TRAPPC9: variants seen among roughly 807,000 people sequenced by gnomAD.
TRAPPC9 encodes the protein IKK2 binding protein.
Under a neutral mutation model 124.0 loss-of-function variants are expected in TRAPPC9, and 83 were observed. That is an observed-to-expected ratio of 0.67 (90% CI 0.56 to 0.80). The LOEUF (loss-of-function observed/expected upper bound fraction) is 0.80, where lower values mean the gene tolerates loss of function less well. TRAPPC9 is among the 30% of genes least tolerant of loss of function. TRAPPC9 has a pLI of 0.00. For missense variants in TRAPPC9, 1,302 were observed against 1,508.3 expected, an observed-to-expected ratio of 0.86 and a Z score of 2.27; for synonymous variants, 638 against 617.5, an observed-to-expected ratio of 1.03 and a Z score of -0.49.
At chr8:140,250,275 A>G (rs1024979767) in intron 16 of TRAPPC9, among the ~76,000 whole-genome samples, 16 of 152,276 alleles carry the variant, frequency 1.1e-4, no homozygotes, top group Admixed American at 9.8e-4. Flanking sequence ...GACAATGCTC[A>G]GTAAACATTA....
chr8:140,130,019 C>T (rs1273908728), intron 17 of TRAPPC9, among the ~76,000 whole-genome samples: 1 of 152,128 alleles, frequency 6.6e-6, no homozygotes, highest in Non-Finnish European at 1.5e-5. Flanking sequence ...AGGGAAAGGA[C>T]AACGTTAGCC....
At position 140,287,638 on chromosome 8, in the gene TRAPPC9, G is replaced by A. The variant is rs1481486080; in HGVS notation, c.1951C>T (p.Pro651Ser). Residue 651 changes from proline to serine, a missense_variant, in exon 13 of 23, where the codon CCG becomes TCG. Coordinates refer to ENST00000438773, the MANE Select transcript of TRAPPC9 (RefSeq NM_001160372.4). ...GLYPVTLVGVPQTTGTITVNG... is the reference protein window; with the variant it reads ...GLYPVTLVGVSQTTGTITVNG... ...ACAGTAATCGTTCCAGTCGTCTGCG[G>A]GACCCCGACGAGCGTCACTGGGTAC... is the stretch of plus-strand genomic sequence containing the variant. The A allele has an allele frequency of 1.9e-6, 3 of 1,614,062 alleles. No individual in the cohort carries two copies. The highest frequency in any genetic ancestry group is 2.7e-5 in the African/African-American group (2 of 74,916).
intron 21 of TRAPPC9, among the ~76,000 whole-genome samples, chr8:139,822,047 AT>A (rs2130797371): frequency 6.6e-6 from 1 of 152,294 alleles, no homozygotes; most frequent in African/African-American, 2.4e-5. Context: ...TTCAGTCGTG[AT>A]GGCTTTATTA....
At chr8:140,328,591 G>T (rs1278466219) in intron 9 of TRAPPC9, among the ~76,000 whole-genome samples, 6 of 152,114 alleles carry the variant, frequency 3.9e-5, no homozygotes, top group African/African-American at 1.4e-4. Flanking sequence ...AGGGGGAAAG[G>T]GTGGGAGCAG....
At chr8:140,039,052 T>G (rs1841094042) in intron 17 of TRAPPC9, among the ~76,000 whole-genome samples, 1 of 152,208 alleles carries the variant, frequency 6.6e-6, no homozygotes, top group Non-Finnish European at 1.5e-5. Context: ...ATCTACAAGA[T>G]CCCATCCGGT....
chr8:140,381,443 G>A (rs915164276), intron 7 of TRAPPC9, among the ~76,000 whole-genome samples: 15 of 152,022 alleles, frequency 9.9e-5, no homozygotes, highest in African/African-American at 1.7e-4. Flanking sequence ...CAAGGTGGGC[G>A]GATCATGAGG....
chr8:140,405,743 G>A, intron 5 of TRAPPC9, 45 bp from the exon 6 acceptor site: 4 of 1,611,414 alleles, frequency 2.5e-6, no homozygotes, highest in Non-Finnish European at 1.7e-6. Context: ...TGCTTTTTCT[G>A]TATTATTTCT....
At chr8:140,254,236 G>A (rs745650201) in intron 15 of TRAPPC9, among the ~76,000 whole-genome samples, 8 of 152,220 alleles carry the variant, frequency 5.3e-5, no homozygotes, top group African/African-American at 1.2e-4. Context: ...TTCCAGGTGC[G>A]GAAAGCAGGT....
Position 140,451,273 on chromosome 8 carries a change from A to C in TRAPPC9, c.101T>G (p.Ile34Ser), listed in dbSNP as rs1164696581. The C allele has an allele frequency of 3.7e-6, 6 of 1,612,494 alleles. No individual in the cohort carries two copies. The highest frequency in any genetic ancestry group is 4.2e-6 in the Non-Finnish European group (5 of 1,180,022). Residue 34 changes from isoleucine (I) to serine (S), a missense_variant, in exon 2 of 23, where the codon ATC becomes AGC. Physicochemically the swap from Ile to Ser is moderately radical, Grantham distance 142 (BLOSUM62 -2). Transcript: ENST00000438773. The part of the protein sequence containing the change: ...GIVSEENFFR[I>S]YKRICSVSQI... ...ACTCACAGAGCAAATCCTCTTATAG[A>C]TCCTGAAGAAGTTCTCCTCGGAGAC... is the stretch of plus-strand genomic sequence containing the variant.
intron 12 of TRAPPC9, 102 bp from the exon 13 acceptor site, chr8:140,287,836 T>C (rs1000084736): frequency 4.0e-6 from 6 of 1,515,636 alleles, no homozygotes; most frequent in Non-Finnish European, 5.4e-6. Flanking sequence ...TCGGAACTGC[T>C]GGAATAAAAT....
At chr8:139,835,947 C>G (rs1288181995) in intron 21 of TRAPPC9, among the ~76,000 whole-genome samples, 2 of 152,164 alleles carry the variant, frequency 1.3e-5, no homozygotes, top group Non-Finnish European at 2.9e-5. Context: ...ACCCATCTAT[C>G]TATCATAAAT....
chr8:139,807,469 T>C (rs909692901), intron 21 of TRAPPC9, among the ~76,000 whole-genome samples: 5 of 152,036 alleles, frequency 3.3e-5, no homozygotes, highest in African/African-American at 4.8e-5. Context: ...CTTCCATTAA[T>C]AAAACAGAGG....
In TRAPPC9 at chr8:140,335,140, A is replaced by G. The variant is rs115042969; in HGVS notation, c.1496-23766T>C. 9.8e-4 allele frequency among the ~76,000 whole-genome samples: 149 copies of G among 152,290 alleles called. 2 individuals carry two copies. Among genetic ancestry groups the G allele is most frequent in the African/African-American group, 3.5e-3 (144 of 41,528 alleles). On this transcript the variant is annotated intron_variant, in intron 9 of 22. Coordinates refer to ENST00000438773, the MANE Select transcript of TRAPPC9 (RefSeq NM_001160372.4). ...AAAGAGTTGAGACTTTACTAGATAG[A>G]CAAAGGGTAGACACTGCAGATTCTT...
chr8:139,918,508 G>A (rs754004733), intron 19 of TRAPPC9, among the ~76,000 whole-genome samples: 4 of 152,328 alleles, frequency 2.6e-5, no homozygotes, highest in East Asian at 1.9e-4. Flanking sequence ...TCACCAGAGC[G>A]TGAGCAAACC....
chr8:139,995,240 T>A (rs2665941), intron 18 of TRAPPC9, among the ~76,000 whole-genome samples: 1 of 152,126 alleles, frequency 6.6e-6, no homozygotes, highest in Non-Finnish European at 1.5e-5. Flanking sequence ...GCGTGCCCTG[T>A]GTATAGCCAG....
intron 21 of TRAPPC9, among the ~76,000 whole-genome samples, chr8:139,799,482 G>A (rs1823321173): frequency 6.6e-6 from 1 of 152,164 alleles, no homozygotes; most frequent in South Asian, 2.1e-4. Flanking sequence ...ATCCATGGAG[G>A]GGCCAGCCCT....
chr8:140,355,379 C>G (rs947027419), intron 9 of TRAPPC9, among the ~76,000 whole-genome samples: 28 of 152,188 alleles, frequency 1.8e-4, no homozygotes, highest in Non-Finnish European at 2.9e-5. Context: ...TCTCTTTTCC[C>G]ATCAACCGCC....
chr8:140,337,599 G>A (rs539974348), intron 9 of TRAPPC9, among the ~76,000 whole-genome samples: 1 of 152,338 alleles, frequency 6.6e-6, no homozygotes, highest in East Asian at 1.9e-4. Context: ...TCATCCAGAT[G>A]CGCCTCCCTC....
chr8:139,762,757 C>A (rs535013295), intron 21 of TRAPPC9, among the ~76,000 whole-genome samples: 1 of 152,176 alleles, frequency 6.6e-6, no homozygotes, highest in African/African-American at 2.4e-5. Flanking sequence ...GGCCAAGGTG[C>A]GGAGGGCACC....
Sources: gnomAD v4.1 joint callset for allele counts (sites outside exome capture counted in the v4.1 genomes callset) on GRCh38, gnomAD v4.1.1 for gene constraint, MANE v1.5 for transcripts, NCBI Gene and HGNC (gene_info 2026-07-23, HGNC 2026-07-21) for gene names.